The following SEC24D variants were observed in gnomAD, a reference collection of about 807,000 sequenced individuals.
The protein encoded by SEC24D is SEC24 homolog D, COPII component, also known as protein transport protein Sec24D.
Under a neutral mutation model 116.9 loss-of-function variants are expected in SEC24D, and 69 were observed. The ratio of observed to expected loss-of-function variants is 0.59; its 90% confidence interval spans 0.49 to 0.72. SEC24D has a LOEUF of 0.72. Ranked by LOEUF, SEC24D falls within the 30% of genes least tolerant of loss-of-function variation. The probability of loss-of-function intolerance (pLI) is 0.00; values close to 1 mark genes in which losing one functional copy is unlikely to be tolerated. For synonymous variants in SEC24D, 405 were observed against 442.8 expected (o/e 0.91, Z 1.07); for missense variants, 1,131 against 1,264.1 (o/e 0.89, Z 1.60).
chr4:118,830,221 G>A (rs1730786923), intron 2 of SEC24D, among the ~76,000 whole-genome samples: 1 of 152,250 alleles, frequency 6.6e-6, no homozygotes, highest in South Asian at 2.1e-4. Flanking sequence ...GGAGAAAGCA[G>A]TTTAAACTAA....
chr4:118,819,468 T>C (rs905767700), intron 3 of SEC24D, among the ~76,000 whole-genome samples: 2 of 147,638 alleles, frequency 1.4e-5, no homozygotes, highest in Non-Finnish European at 3.0e-5. Flanking sequence ...GAGGCGGAGC[T>C]TGCAGTGAGC....
intron 8 of SEC24D, among the ~76,000 whole-genome samples, chr4:118,780,828 C>A (rs1203700787): frequency 6.6e-6 from 1 of 151,706 alleles, no homozygotes; most frequent in Non-Finnish European, 1.5e-5. Context: ...ATCCCTTTAC[C>A]ATTATGCAAT....
intron 8 of SEC24D, among the ~76,000 whole-genome samples, chr4:118,782,948 G>A (rs1313749254): frequency 6.6e-6 from 1 of 152,142 alleles, no homozygotes; most frequent in African/African-American, 2.4e-5. Context: ...CATTTGCTAA[G>A]ACCATTGGAA....
intron 8 of SEC24D, among the ~76,000 whole-genome samples, chr4:118,771,577 T>C (rs1002305361): frequency 2.0e-5 from 3 of 151,664 alleles, no homozygotes; most frequent in Non-Finnish European, 4.4e-5. Flanking sequence ...TGTGTATGTA[T>C]ATAAACACTG....
Position 118,757,702 on chromosome 4 carries a change from A to G in SEC24D, c.1421+19T>C. Reference sequence around the variant, plus strand: ...AGGCAATAATGTATAAGTTGTAAAAAGAATGACGGTTGCCTTACTTTGGAA... The same window carrying G: ...AGGCAATAATGTATAAGTTGTAAAAGGAATGACGGTTGCCTTACTTTGGAA... On this transcript the variant is annotated intron_variant, in intron 11 of 22. Coordinates refer to ENST00000280551, the MANE Select transcript of SEC24D (RefSeq NM_014822.4). 6.2e-7 allele frequency: 1 copy of G among 1,601,762 alleles called. No homozygotes were observed. The highest frequency in any genetic ancestry group is 2.2e-5 in the East Asian group (1 of 44,540).
intron 7 of SEC24D, among the ~76,000 whole-genome samples, chr4:118,800,575 C>A (rs963738465): frequency 1.2e-4 from 18 of 152,198 alleles, no homozygotes; most frequent in Admixed American, 1.1e-3. Flanking sequence ...AACATGACTG[C>A]AGGCTGAATC....
chr4:118,829,542 G>A (rs1237222686), intron 2 of SEC24D, among the ~76,000 whole-genome samples: 1 of 152,160 alleles, frequency 6.6e-6, no homozygotes, highest in Non-Finnish European at 1.5e-5. Flanking sequence ...GCCAGGCGCG[G>A]TGGCTCATGC....
chr4:118,758,651 G>C (rs911217737), intron 10 of SEC24D: 1 of 152,016 alleles, frequency 6.6e-6, no homozygotes, highest in Non-Finnish European at 1.5e-5. Context: ...AAAGAATTTA[G>C]ACCAACTTAA....
At chr4:118,738,157 A>T (rs1257043710) in intron 19 of SEC24D, 104 bp downstream of exon 19, 1 of 773,046 alleles carries the variant, frequency 1.3e-6, no homozygotes, top group Non-Finnish European at 2.2e-6. Flanking sequence ...TTACTGTAAC[A>T]GCATCTAAGT....
chr4:118,822,517 A>C (rs1371029755), intron 3 of SEC24D, among the ~76,000 whole-genome samples: 2 of 152,172 alleles, frequency 1.3e-5, no homozygotes, highest in African/African-American at 2.4e-5. Context: ...CCAGCTGTTC[A>C]ATCTTTGCAC....
Position 118,731,475 on chromosome 4 carries a change from A to C in SEC24D, c.2709T>G (p.Pro903=). The change falls in exon 21 of 23, where the codon CCT becomes CCG. Residue 903 remains proline (P), a synonymous_variant. Coordinates refer to ENST00000280551, the MANE Select transcript of SEC24D (RefSeq NM_014822.4). The part of the protein sequence containing the change: ...HTLDVKSTML[P]AAVRCSESRL... ...GGGACTCAGAGCAACGAACGGCAGC[A>C]GGTAACATTGTACTCTTGACATCTA... 6.2e-7 allele frequency: 1 copy of C among 1,614,152 alleles called. No individual in the cohort carries two copies. The highest frequency in any genetic ancestry group is 8.5e-7 in the Non-Finnish European group (1 of 1,179,994).
intron 6 of SEC24D, among the ~76,000 whole-genome samples, chr4:118,811,559 C>T (rs551325284): frequency 5.9e-5 from 9 of 152,284 alleles, no homozygotes; most frequent in East Asian, 1.9e-4. Flanking sequence ...ATCTAATCAG[C>T]GGACAGCCTT....
At chr4:118,835,499 T>C (rs1020689779) in intron 1 of SEC24D, among the ~76,000 whole-genome samples, 1 of 152,150 alleles carries the variant, frequency 6.6e-6, no homozygotes, top group African/African-American at 2.4e-5. Context: ...CTGGAACAAG[T>C]TCGTATTTGG....
At chr4:118,818,183 C>T (rs1258516670) in intron 3 of SEC24D, among the ~76,000 whole-genome samples, 4 of 152,152 alleles carry the variant, frequency 2.6e-5, no homozygotes, top group African/African-American at 4.8e-5. Flanking sequence ...CTGCCAAATG[C>T]GATTAAAGCC....
At chr4:118,832,328 G>A (rs756083685) in intron 2 of SEC24D, among the ~76,000 whole-genome samples, 9 of 152,172 alleles carry the variant, frequency 5.9e-5, no homozygotes, top group South Asian at 2.1e-4. Context: ...ATACAAAAGA[G>A]GACAGACAGC....
chr4:118,726,099 C>T (rs1725395628), intron 22 of SEC24D, among the ~76,000 whole-genome samples: 1 of 152,162 alleles, frequency 6.6e-6, no homozygotes, highest in South Asian at 2.1e-4. Context: ...TCTGGGTCAC[C>T]TTACCAGAGG....
intron 3 of SEC24D, 130 bp downstream of exon 3, chr4:118,824,488 CAG>C: frequency 1.1e-6 from 1 of 939,238 alleles, no homozygotes; most frequent in Non-Finnish European, 1.6e-6. Context: ...AGTTATCTAA[CAG>C]ATCCTTTCAG....
intron 8 of SEC24D, among the ~76,000 whole-genome samples, chr4:118,783,561 T>A (rs1301079889): frequency 6.6e-6 from 1 of 152,246 alleles, no homozygotes. Context: ...TATTCTTAAA[T>A]TCTTTTTGAA....
intron 10 of SEC24D, among the ~76,000 whole-genome samples, 154 bp from the exon 11 acceptor site, chr4:118,757,999 G>C (rs749166290): frequency 1.1e-4 from 17 of 152,148 alleles, no homozygotes; most frequent in Admixed American, 5.2e-4. Context: ...AGAATATCTA[G>C]AGCATCTGGT....
Sources: gnomAD v4.1 joint callset for allele counts (sites outside exome capture counted in the v4.1 genomes callset) on GRCh38, gnomAD v4.1.1 for gene constraint, MANE v1.5 for transcripts, NCBI Gene and HGNC (gene_info 2026-07-23, HGNC 2026-07-21) for gene names.